SCN11A: variants seen among roughly 807,000 people sequenced by gnomAD.
SCN11A encodes sodium voltage-gated channel alpha subunit 11.
In SCN11A, 122 loss-of-function variants were observed where a neutral mutation model predicts 162.2. The ratio of observed to expected loss-of-function variants is 0.75; its 90% CI spans 0.65 to 0.87. The LOEUF is 0.87. SCN11A is among the 40% of genes least tolerant of loss of function. SCN11A has a pLI of 0.00. For synonymous variants in SCN11A, 758 were observed against 751.5 expected, an observed-to-expected ratio of 1.01 and a Z score of -0.14; for missense variants, 2,015 against 2,181.6, an observed-to-expected ratio of 0.92 and a Z score of 1.52.
At chr3:38,996,113 G>A (rs2030623740) in intron 2 of SCN11A, among the ~76,000 whole-genome samples, 1 of 152,242 alleles carries the variant, frequency 6.6e-6, no homozygotes, top group African/African-American at 2.4e-5. Context: ...TTAATTGTAT[G>A]GCAACTTGAT....
chr3:38,847,568 C>T lies in SCN11A; in HGVS notation c.4502G>A (p.Gly1501Asp). 1 of 1,614,102 alleles carries T rather than the reference C, an allele frequency of 6.2e-7. No homozygotes were observed. The highest frequency in any genetic ancestry group is 8.5e-7 in the Non-Finnish European group (1 of 1,180,018). ...AAACATAATCAGAAAGAGTAGAAGA[C>T]CAATGTTGAACAGAGAAGGAAGCGA... is the stretch of plus-strand genomic sequence containing the variant. ...MMSLPSLFNI[G>D]LLLFLIMFIY... The change falls in exon 30 of 30, where the codon GGT (glycine) becomes GAT (aspartate). Residue 1501 changes from glycine to aspartate, a missense_variant. Gly to Asp is a moderately conservative substitution (Grantham distance 94). Transcript: ENST00000302328.
At chr3:38,896,797 G>T in intron 18 of SCN11A, 48 bp downstream of exon 18, 4 of 1,371,392 alleles carry the variant, frequency 2.9e-6, no homozygotes, top group South Asian at 3.3e-5. Context: ...CATTTGAGAG[G>T]CATGTAGGAT....
At chr3:38,937,978 C>G (rs1370650011) in intron 7 of SCN11A, among the ~76,000 whole-genome samples, 1 of 152,086 alleles carries the variant, frequency 6.6e-6, no homozygotes, top group Non-Finnish European at 1.5e-5. Flanking sequence ...TTGGAACCAA[C>G]CCAAATGTCC....
intron 2 of SCN11A, among the ~76,000 whole-genome samples, chr3:38,994,467 C>T (rs576544409): frequency 1.4e-4 from 21 of 152,236 alleles, no homozygotes; most frequent in East Asian, 5.8e-4. Flanking sequence ...TTGTTGTTGA[C>T]GTTTAAGAGG....
intron 2 of SCN11A, among the ~76,000 whole-genome samples, chr3:39,019,634 T>C (rs2031393429): frequency 6.6e-6 from 1 of 152,244 alleles, no homozygotes; most frequent in African/African-American, 2.4e-5. Flanking sequence ...GTTTCTGTTA[T>C]GCCATCTTTA....
At chr3:38,913,127 C>T (rs1301148396) in intron 11 of SCN11A, among the ~76,000 whole-genome samples, 1 of 152,160 alleles carries the variant, frequency 6.6e-6, no homozygotes, top group Non-Finnish European at 1.5e-5. Context: ...CCCTTTTCTC[C>T]ACAACATTGC....
chr3:38,883,161 G>T, intron 22 of SCN11A, 72 bp downstream of exon 22: 3 of 1,392,650 alleles, frequency 2.2e-6, no homozygotes, highest in African/African-American at 1.4e-5. Context: ...AGTCCCACGA[G>T]AAGCCAAGTC....
chr3:38,873,073 C>G (rs2065154873), intron 23 of SCN11A, among the ~76,000 whole-genome samples: 1 of 152,156 alleles, frequency 6.6e-6, no homozygotes, highest in Non-Finnish European at 1.5e-5. Flanking sequence ...TATTAGAAAG[C>G]TCTGTTAAGT....
At chr3:38,872,893 T>A (rs1033397333) in intron 23 of SCN11A, among the ~76,000 whole-genome samples, 1 of 152,182 alleles carries the variant, frequency 6.6e-6, no homozygotes, top group African/African-American at 2.4e-5. Context: ...GATTTCATTA[T>A]ACTATTTCCT....
chr3:38,906,451 G>A (rs868812735), intron 14 of SCN11A, among the ~76,000 whole-genome samples: 6 of 152,048 alleles, frequency 3.9e-5, no homozygotes, highest in Admixed American at 3.9e-4. Context: ...AACTGAATGA[G>A]CCATCTTTCC....
intron 9 of SCN11A, among the ~76,000 whole-genome samples, chr3:38,924,477 G>A (rs557608562): frequency 1.3e-5 from 2 of 151,990 alleles, no homozygotes; most frequent in African/African-American, 4.8e-5. Flanking sequence ...AGGTTCAAGT[G>A]ATTCTCCCAC....
chr3:38,933,444 C>G (rs1434721640), intron 7 of SCN11A, among the ~76,000 whole-genome samples: 1 of 152,166 alleles, frequency 6.6e-6, no homozygotes, highest in Non-Finnish European at 1.5e-5. Flanking sequence ...GGAGGAAATT[C>G]AAACCAAAGG....
intron 8 of SCN11A, among the ~76,000 whole-genome samples, chr3:38,925,870 A>G (rs1393337594): frequency 6.6e-6 from 1 of 152,254 alleles, no homozygotes; most frequent in Non-Finnish European, 1.5e-5. Context: ...CTGCCACTAC[A>G]TGGTCAAGCC....
chr3:38,902,413 T>C (rs2065716052), intron 16 of SCN11A, among the ~76,000 whole-genome samples: 1 of 152,186 alleles, frequency 6.6e-6, no homozygotes, highest in Non-Finnish European at 1.5e-5. Flanking sequence ...GCAGACTGCC[T>C]GTGAGGAGAA....
intron 13 of SCN11A, 101 bp from the exon 14 acceptor site, chr3:38,908,223 G>T: frequency 1.0e-6 from 1 of 980,116 alleles, no homozygotes; most frequent in South Asian, 1.4e-5. Flanking sequence ...TCTTCTGGTA[G>T]CTCTGTATCA....
intron 3 of SCN11A, among the ~76,000 whole-genome samples, chr3:38,957,539 G>A (rs1467948205): frequency 6.6e-6 from 1 of 152,166 alleles, no homozygotes; most frequent in African/African-American, 2.4e-5. Flanking sequence ...GTTACGACTT[G>A]ACGTGGGGAA....
At position 38,919,967 on chromosome 3, in the gene SCN11A, T is replaced by C. The variant is rs1250757202; in HGVS notation, c.927A>G (p.Glu309=). 1.2e-6 allele frequency: 2 copies of C among 1,613,492 alleles called. No homozygotes were observed. The highest frequency in any genetic ancestry group is 1.7e-6 in the Non-Finnish European group (2 of 1,179,622). ...CCATCCAGATGCCACACATTTTGAATTCAGGTGAATTTTCTTTCTTTTCAA... is the reference window on the plus strand; with the variant it reads ...CCATCCAGATGCCACACATTTTGAACTCAGGTGAATTTTCTTTCTTTTCAA... ...HCFEKKENSP[E]FKMCGIWMGN... Residue 309 remains glutamate, a synonymous_variant, in exon 11 of 30, where the codon GAA becomes GAG. Coordinates refer to ENST00000302328, the MANE Select transcript of SCN11A (RefSeq NM_001349253.2).
intron 11 of SCN11A, among the ~76,000 whole-genome samples, chr3:38,916,303 C>T (rs530980905): frequency 5.8e-4 from 88 of 152,270 alleles, no homozygotes; most frequent in African/African-American, 1.9e-3. Flanking sequence ...AGCCCATTGA[C>T]ATTCAAGGCT....
chr3:38,946,859 T>C lies in SCN11A; in HGVS notation c.316A>G (p.Lys106Glu), dbSNP rs746503150. ...GGCCCAAAAATGAACAAGGCATGCTTGGCACTGAAGCGGTAGATTGTCCTC... is the reference window on the plus strand; with the variant it reads ...GGCCCAAAAATGAACAAGGCATGCTCGGCACTGAAGCGGTAGATTGTCCTC... The part of the protein sequence containing the change: ...RKRTIYRFSA[K>E]HALFIFGPFN... Residue 106 changes from lysine to glutamate, a missense_variant, in exon 6 of 30, where the codon AAG becomes GAG. By Grantham distance (56) the Lys-to-Glu change is moderately conservative. Coordinates refer to ENST00000302328, the MANE Select transcript of SCN11A (RefSeq NM_001349253.2). 6.2e-7 allele frequency: 1 copy of C among 1,613,850 alleles called. No individual in the cohort carries two copies. Among genetic ancestry groups the C allele is most frequent in the South Asian group, 1.1e-5 (1 of 91,062 alleles).
Sources: allele counts gnomAD v4.1 joint callset (sites outside exome capture counted in the v4.1 genomes callset), GRCh38; gene constraint gnomAD v4.1.1; transcripts MANE v1.5; gene names NCBI Gene and HGNC (gene_info 2026-07-23, HGNC 2026-07-21).